LTN1: variants seen among roughly 807,000 people sequenced by gnomAD.
LTN1 encodes E3 ubiquitin-protein ligase listerin.
LTN1 carries 88 observed loss-of-function variants against 201.2 expected under a neutral mutation model. That is an observed-to-expected ratio of 0.44 (90% CI 0.37 to 0.52). LTN1 has a LOEUF of 0.52. LTN1 is among the 20% of genes least tolerant of loss of function. LTN1 has a pLI of 0.00. For missense variants in LTN1, 1,752 were observed against 2,038.7 expected, an observed-to-expected ratio of 0.86 and a Z score of 2.71; for synonymous variants, 645 against 713.5, an observed-to-expected ratio of 0.90 and a Z score of 1.53.
At position 28,970,678 on chromosome 21, in the gene LTN1, T is replaced by G; in HGVS notation, c.1049A>C (p.Glu350Ala). ...VFPKLSTVIR[E>A]GGRGLATVIY... ...GACAGTAGCTAGACCCCGACCACCT[T>G]CACGAATCACAGTTGATAGCTTGGG... The change falls in exon 8 of 30, where the codon GAA (glutamate) becomes GCA (alanine). Residue 350 changes from glutamate to alanine, a missense_variant. Physicochemically the swap from Glu to Ala is moderately radical, Grantham distance 107. Around this residue, in one of 3 missense-constraint regions of LTN1, gnomAD observed 1,211 missense variants for 1,312.8 expected, o/e 0.92. Coordinates refer to ENST00000361371, the MANE Select transcript of LTN1 (RefSeq NM_015565.3). The G allele has an allele frequency of 1.2e-6, 2 of 1,614,042 alleles. No individual in the cohort carries two copies. The highest frequency in any genetic ancestry group is 1.7e-6 in the Non-Finnish European group (2 of 1,179,954).
At position 28,935,264 on chromosome 21, in the gene LTN1, C is replaced by A; in HGVS notation, c.4720G>T (p.Asp1574Tyr). ...ACSVYHMTLK[D>Y]LPAMVRLWWN... ...CACAACCTAACCATGGCAGGCAAGT[C>A]TTTTAATGTCATATGATAGACTGAA... Residue 1574 changes from aspartate to tyrosine, a missense_variant, in exon 27 of 30, where the codon GAC (aspartate) becomes TAC (tyrosine). By Grantham distance (160) the Asp-to-Tyr change is radical (BLOSUM62 -3). This residue lies in a region of LTN1 where 261 missense variants were observed against 350.1 expected (regional missense o/e 0.75). Transcript: ENST00000361371. 6.2e-7 allele frequency: 1 copy of A among 1,614,046 alleles called. No individual in the cohort carries two copies.
chr21:28,971,137 C>G (rs2084570959), intron 7 of LTN1, 134 bp downstream of exon 7: 1 of 663,212 alleles, frequency 1.5e-6, no homozygotes, highest in African/African-American at 1.9e-5. Context: ...AACTCTATGC[C>G]ATTTTAGTCA....
intron 7 of LTN1, 57 bp from the exon 8 acceptor site, chr21:28,970,799 T>C: frequency 1.5e-6 from 2 of 1,353,922 alleles, no homozygotes; most frequent in African/African-American, 1.5e-5. Context: ...CTTTTCTCAA[T>C]TAAAAGAGAA....
chr21:28,952,298 TTGAAAGCATAC>T (rs746557487), intron 17 of LTN1, 34 bp from the exon 18 acceptor site: 1 of 1,273,034 alleles, frequency 7.9e-7, no homozygotes, highest in East Asian at 2.3e-5. Context: ...ATATTCCGTT[TTGAAAGCATAC>T]TGAATAAAAT....
chr21:28,966,433 G>A lies in LTN1; in HGVS notation c.2058C>T (p.Tyr686=). ...CATTGTCACAGCACCGGAGAGCACT[G>A]TACAAAATGTCCACCAGGAAACCAA... ...KDFGFLVDIL[Y]SALRCCDNDM... The change falls in exon 10 of 30, where the codon TAC becomes TAT. Residue 686 remains tyrosine, a synonymous_variant. Coordinates refer to ENST00000361371, the MANE Select transcript of LTN1 (RefSeq NM_015565.3). The A allele has an allele frequency of 1.9e-6, 3 of 1,614,090 alleles. No homozygotes were observed. The highest frequency in any genetic ancestry group is 2.5e-6 in the Non-Finnish European group (3 of 1,180,004).
rs1291619349 is a variant in LTN1 at position 28,928,295 on chromosome 21, T to C, written c.*2153A>G. 1 of 152,626 alleles carries C rather than the reference T, an allele frequency of 6.6e-6. No homozygotes were observed. The highest frequency in any genetic ancestry group is 1.5e-5 in the Non-Finnish European group (1 of 68,036). The allele number at this position is 152,626 out of a possible 1,614,324, so 9.5% of individuals were successfully genotyped here. A position where few individuals can be genotyped will look rare whatever the true frequency, so the allele number is the denominator to read the frequency against. On this transcript the variant is annotated 3_prime_UTR_variant, in exon 30 of 30. Transcript: ENST00000361371. ...AAAGAATTTTAATGGGCACATATGG[T>C]ATAACAATCAAATAATAACATTAAT...
chr21:28,983,681 A>T (rs2084675691), intron 4 of LTN1, among the ~76,000 whole-genome samples: 1 of 152,226 alleles, frequency 6.6e-6, no homozygotes, highest in Non-Finnish European at 1.5e-5. Flanking sequence ...AGGATGGCTA[A>T]TTGAAAGGAG....
intron 6 of LTN1, among the ~76,000 whole-genome samples, chr21:28,973,011 C>G (rs2084587094): frequency 6.6e-6 from 1 of 152,116 alleles, no homozygotes; most frequent in African/African-American, 2.4e-5. Context: ...ACAAAAATAA[C>G]TACCAACATA....
intron 6 of LTN1, among the ~76,000 whole-genome samples, chr21:28,980,442 T>C (rs959085885): frequency 2.7e-4 from 40 of 149,334 alleles, no homozygotes; most frequent in African/African-American, 9.8e-4. Context: ...TACCTAATGC[T>C]AAATGACGAG....
At chr21:28,991,734 ATTGTT>A (rs2084748146) in intron 1 of LTN1, among the ~76,000 whole-genome samples, 1 of 152,264 alleles carries the variant, frequency 6.6e-6, no homozygotes, top group South Asian at 2.1e-4. Flanking sequence ...GGTTGCTATA[ATTGTT>A]AATACTGTTA....
At chr21:28,985,275 C>T (rs980241562) in intron 3 of LTN1, among the ~76,000 whole-genome samples, 1 of 151,992 alleles carries the variant, frequency 6.6e-6, no homozygotes, top group African/African-American at 2.4e-5. Flanking sequence ...GCCTGGCCAA[C>T]ATGGTGAAAC....
intron 14 of LTN1, 138 bp downstream of exon 14, chr21:28,958,248 G>A (rs913528921): frequency 9.5e-6 from 7 of 735,328 alleles, no homozygotes; most frequent in Admixed American, 3.0e-5. Flanking sequence ...TCCCACCTCA[G>A]CCTACTGAGT....
chr21:28,969,784 C>G (rs1213513198), intron 8 of LTN1, among the ~76,000 whole-genome samples, 183 bp from the exon 9 acceptor site: 2 of 151,900 alleles, frequency 1.3e-5, no homozygotes, highest in Non-Finnish European at 2.9e-5. Flanking sequence ...AACTTAAAAA[C>G]TTTGAAAAAG....
rs947188253 is a variant in LTN1, at chr21:28,930,215, C to A, written c.*233G>T. On this transcript the variant is annotated 3_prime_UTR_variant, in exon 30 of 30. Coordinates refer to ENST00000361371, the MANE Select transcript of LTN1 (RefSeq NM_015565.3). ...ATTAAACCATTAATAGAAATATTTTCTCTCAAATATGTAATATTCTTTTGT... is the reference window on the plus strand; with the variant it reads ...ATTAAACCATTAATAGAAATATTTTATCTCAAATATGTAATATTCTTTTGT... 5.6e-6 allele frequency: 2 copies of A among 357,974 alleles called. No individual in the cohort carries two copies. Among genetic ancestry groups the A allele is most frequent in the Non-Finnish European group, 9.9e-6 (2 of 201,060 alleles). The allele number at this position is 357,974 out of a possible 1,614,324, so 22.2% of individuals were successfully genotyped here. A position where few individuals can be genotyped will look rare whatever the true frequency, so the allele number is the denominator to read the frequency against.
At chr21:28,972,161 A>G (rs1401343179) in intron 6 of LTN1, among the ~76,000 whole-genome samples, 3 of 152,214 alleles carry the variant, frequency 2.0e-5, no homozygotes, top group Admixed American at 6.5e-5. Flanking sequence ...TCCTTCTGCC[A>G]TGTGAGGACA....
chr21:28,946,380 T>C, intron 19 of LTN1, 93 bp from the exon 20 acceptor site: 1 of 769,754 alleles, frequency 1.3e-6, no homozygotes, highest in Non-Finnish European at 2.0e-6. Flanking sequence ...AAAGACTTTC[T>C]TGAGAAGTGT....
chr21:28,963,938 A>G (rs2084500251), intron 11 of LTN1, among the ~76,000 whole-genome samples: 1 of 152,214 alleles, frequency 6.6e-6, no homozygotes, highest in East Asian at 1.9e-4. Context: ...AAGAACTAGA[A>G]TGAGACATGA....
chr21:28,992,728 G>T (rs764701182), intron 1 of LTN1, 36 bp downstream of exon 1: 1 of 1,612,456 alleles, frequency 6.2e-7, no homozygotes, highest in Admixed American at 1.7e-5. Context: ...GCCTCGAAGC[G>T]AGGCTCCCGG....
chr21:28,951,315 A>G (rs904537740), intron 18 of LTN1, among the ~76,000 whole-genome samples: 1 of 152,234 alleles, frequency 6.6e-6, no homozygotes, highest in Admixed American at 6.5e-5. Context: ...TTGGTAAATC[A>G]GTAAATTCAA....
Sources: gnomAD v4.1 joint callset for allele counts (sites outside exome capture counted in the v4.1 genomes callset) on GRCh38, gnomAD v4.1.1 for gene constraint, gnomAD v4.1.1 regional missense constraint, MANE v1.5 for transcripts, NCBI Gene and HGNC (gene_info 2026-07-23, HGNC 2026-07-21) for gene names.